Variants in CD38 observed in about 807,000 individuals in gnomAD.
CD38 encodes CD38 molecule.
In CD38, 31 loss-of-function variants were observed where a neutral mutation model predicts 36.3. The ratio of observed to expected loss-of-function variants is 0.85; its 90% CI spans 0.64 to 1.15. CD38 has a LOEUF of 1.15. CD38 is among the 50% of genes most tolerant of loss of function. The pLI, the probability that CD38 is intolerant of heterozygous loss-of-function variation, is 0.00. For synonymous variants in CD38, 131 were observed against 135.2 expected (o/e 0.97, Z 0.22); for missense variants, 380 against 371.9 (o/e 1.02, Z -0.18).
At chr4:15,803,317 G>A (rs546508417) in intron 1 of CD38, among the ~76,000 whole-genome samples, 79 of 152,300 alleles carry the variant, frequency 5.2e-4, no homozygotes, top group African/African-American at 1.8e-3. Flanking sequence ...GTGCAGCAAA[G>A]TAAACAATCA....
intron 1 of CD38, among the ~76,000 whole-genome samples, chr4:15,811,266 AT>A (rs11345150): frequency 0.34 from 51,008 of 151,988 alleles, 9,636 homozygotes; most frequent in African/African-American, 0.49. Context: ...TAGGATTTTA[AT>A]TTTGATAAAG....
intron 1 of CD38, among the ~76,000 whole-genome samples, chr4:15,798,559 A>T (rs1011388405): frequency 8.5e-5 from 13 of 152,340 alleles, no homozygotes; most frequent in African/African-American, 2.4e-4. Context: ...TGATATTTTG[A>T]ATCATAATAG....
At chr4:15,814,963 C>A (rs895957938) in intron 1 of CD38, among the ~76,000 whole-genome samples, 3 of 151,874 alleles carry the variant, frequency 2.0e-5, no homozygotes, top group African/African-American at 7.3e-5. Flanking sequence ...TGTATCACCG[C>A]GCCTGGCTAA....
intron 1 of CD38, among the ~76,000 whole-genome samples, chr4:15,784,777 G>A (rs887668420): frequency 6.6e-6 from 1 of 152,070 alleles, no homozygotes; most frequent in Non-Finnish European, 1.5e-5. Flanking sequence ...TTAGGTGCAG[G>A]CGAGGCACGG....
At chr4:15,809,166 T>G (rs1046151279) in intron 1 of CD38, among the ~76,000 whole-genome samples, 37 of 152,232 alleles carry the variant, frequency 2.4e-4, no homozygotes, top group Non-Finnish European at 5.9e-5. Context: ...GTTGTGGTTG[T>G]TATAATTAGT....
rs753306894 is a variant in CD38 at position 15,816,655 on chromosome 4, G to T, written c.363+15G>T. 6.2e-7 allele frequency: 1 copy of T among 1,612,808 alleles called. No individual in the cohort carries two copies. On this transcript the variant is annotated intron_variant, in intron 2 of 7. Coordinates refer to ENST00000226279, the MANE Select transcript of CD38 (RefSeq NM_001775.4). ...CTTGCAACAAGGTAATTGGGGGCAT[G>T]CCATTGATTTTAAAACTGGGGATAA...
intron 2 of CD38, among the ~76,000 whole-genome samples, chr4:15,820,024 G>A (rs1176408481): frequency 6.6e-6 from 1 of 152,192 alleles, no homozygotes; most frequent in South Asian, 2.1e-4. Context: ...AGCCAGAAGA[G>A]ATTGGGGGCC....
At chr4:15,782,030 A>ATCCAAGAGCCC (rs1722709118) in intron 1 of CD38, among the ~76,000 whole-genome samples, 6 of 152,252 alleles carry the variant, frequency 3.9e-5, no homozygotes, top group African/African-American at 1.4e-4. Context: ...CCCACTTAAC[A>ATCCAAGAGCCC]CGATGGCTCC....
At chr4:15,793,268 T>G (rs1723042965) in intron 1 of CD38, among the ~76,000 whole-genome samples, 2 of 151,904 alleles carry the variant, frequency 1.3e-5, no homozygotes, top group Admixed American at 1.3e-4. Flanking sequence ...ATTTTTTTAG[T>G]ATCCAATGCT....
At chr4:15,809,291 T>A (rs1406422843) in intron 1 of CD38, among the ~76,000 whole-genome samples, 1 of 152,226 alleles carries the variant, frequency 6.6e-6, no homozygotes, top group Non-Finnish European at 1.5e-5. Context: ...TTGGAGGTTC[T>A]GGTTCTGCCT....
intron 2 of CD38, among the ~76,000 whole-genome samples, chr4:15,818,205 G>T (rs1490844048): frequency 1.3e-5 from 2 of 152,088 alleles, no homozygotes; most frequent in Admixed American, 6.6e-5. Flanking sequence ...TTAATAGGCG[G>T]TTTTCCCCTG....
intron 2 of CD38, among the ~76,000 whole-genome samples, chr4:15,822,512 A>G (rs780939695): frequency 2.0e-5 from 3 of 152,206 alleles, no homozygotes; most frequent in Non-Finnish European, 4.4e-5. Flanking sequence ...TACAAAATCA[A>G]TGTGCAAAAA....
chr4:15,812,873 A>G (rs1372384346), intron 1 of CD38, among the ~76,000 whole-genome samples: 2 of 152,162 alleles, frequency 1.3e-5, no homozygotes, highest in South Asian at 2.1e-4. Context: ...TGCTGCTATT[A>G]TAAGTGGAAT....
intron 1 of CD38, among the ~76,000 whole-genome samples, chr4:15,801,199 T>C (rs1444564324): frequency 6.6e-6 from 1 of 151,966 alleles, no homozygotes; most frequent in African/African-American, 2.4e-5. Context: ...TCTGGGCACC[T>C]ACAACCTACC....
At chr4:15,784,296 G>A (rs952273428) in intron 1 of CD38, among the ~76,000 whole-genome samples, 1 of 152,200 alleles carries the variant, frequency 6.6e-6, no homozygotes, top group Admixed American at 6.5e-5. Flanking sequence ...GAGTCAGGAA[G>A]CACTTTAAGA....
chr4:15,799,372 C>T (rs1183236745), intron 1 of CD38, among the ~76,000 whole-genome samples: 2 of 152,006 alleles, frequency 1.3e-5, no homozygotes, highest in Non-Finnish European at 1.5e-5. Context: ...GTCTGTTTGT[C>T]GCTATACCAC....
intron 1 of CD38, among the ~76,000 whole-genome samples, chr4:15,797,474 A>G (rs1723126864): frequency 6.6e-6 from 1 of 152,204 alleles, no homozygotes; most frequent in Non-Finnish European, 1.5e-5. Flanking sequence ...TGTGTTTAAT[A>G]GAATGACTAA....
intron 2 of CD38, among the ~76,000 whole-genome samples, chr4:15,822,755 T>G (rs1468392604): frequency 6.6e-6 from 1 of 152,238 alleles, no homozygotes; most frequent in African/African-American, 2.4e-5. Context: ...ATGGCCATAC[T>G]GCCCAAGGTA....
chr4:15,784,183 T>C (rs1722762556), intron 1 of CD38, among the ~76,000 whole-genome samples: 1 of 152,288 alleles, frequency 6.6e-6, no homozygotes, highest in South Asian at 2.1e-4. Context: ...ATGTAAGAAA[T>C]GTACCCCTAT....
Sources: gnomAD v4.1 joint callset for allele counts (sites outside exome capture counted in the v4.1 genomes callset) on GRCh38, gnomAD v4.1.1 for gene constraint, MANE v1.5 for transcripts, NCBI Gene and HGNC (gene_info 2026-07-23, HGNC 2026-07-21) for gene names.